Variants in UBE2L3 observed in about 807,000 individuals in gnomAD.
The protein encoded by UBE2L3 is ubiquitin-conjugating enzyme E2 L3.
A neutral mutation model predicts 17.8 loss-of-function variants in UBE2L3; 1 was observed. The observed-to-expected ratio is 0.06, with a 90% CI of 0.02 to 0.27. The LOEUF (loss-of-function observed/expected upper bound fraction) is 0.27, where lower values mean the gene tolerates loss of function less well. Ranked by LOEUF, UBE2L3 falls within the 10% of genes least tolerant of loss-of-function variation. UBE2L3 has a pLI of 1.00. For synonymous variants in UBE2L3, 44 were observed against 68.5 expected, an observed-to-expected ratio of 0.64 and a Z score of 1.76; for missense variants, 40 against 192.6, an observed-to-expected ratio of 0.21 and a Z score of 4.69.
At chr22:21,573,509 G>A (rs894631920) in intron 1 of UBE2L3, among the ~76,000 whole-genome samples, 7 of 152,098 alleles carry the variant, frequency 4.6e-5, no homozygotes, top group African/African-American at 1.7e-4. Flanking sequence ...AGAAATCCTG[G>A]GCTGGCCACT....
At chr22:21,559,882 C>A (rs1305871989) in intron 1 of UBE2L3, among the ~76,000 whole-genome samples, 1 of 152,288 alleles carries the variant, frequency 6.6e-6, no homozygotes, top group East Asian at 1.9e-4. Context: ...TTTCATCCCC[C>A]AGCACTGGAT....
chr22:21,568,100 C>A, intron 1 of UBE2L3: 1 of 1,121,468 alleles, frequency 8.9e-7, no homozygotes, highest in Non-Finnish European at 1.1e-6. Flanking sequence ...TGTGAGAGCC[C>A]GGTTGGGAGG....
At chr22:21,597,446 G>A (rs906961014) in intron 2 of UBE2L3, among the ~76,000 whole-genome samples, 1 of 151,884 alleles carries the variant, frequency 6.6e-6, no homozygotes, top group Admixed American at 6.6e-5. Flanking sequence ...GGCACATGCT[G>A]CAACCCCCAG....
At chr22:21,597,775 A>ATGTTTTTTTTT (rs1928615444) in intron 2 of UBE2L3, among the ~76,000 whole-genome samples, 1 of 25,552 alleles carries the variant, frequency 3.9e-5, no homozygotes, top group Non-Finnish European at 6.9e-5. Context: ...TTATATGTAG[A>ATGTTTTTTTTT]TTTTTTTTTT....
At chr22:21,591,283 C>G (rs774295837) in intron 1 of UBE2L3, among the ~76,000 whole-genome samples, 54 of 152,344 alleles carry the variant, frequency 3.5e-4, no homozygotes, top group Non-Finnish European at 7.2e-4. Context: ...TCTTCTCTCA[C>G]CACAGCTATA....
chr22:21,602,750 C>T (rs1007734958), intron 2 of UBE2L3, among the ~76,000 whole-genome samples: 1 of 152,172 alleles, frequency 6.6e-6, no homozygotes, highest in Non-Finnish European at 1.5e-5. Flanking sequence ...CTACTTGCAG[C>T]CTGAAAAGGT....
chr22:21,566,035 C>T (rs191052128), upstream of UBE2L3, among the ~76,000 whole-genome samples: 2 of 147,612 alleles, frequency 1.4e-5, no homozygotes, highest in East Asian at 2.1e-4. Context: ...TGCAGTGGCG[C>T]GGACTTGGCT....
rs57678378 is a variant in UBE2L3 at position 21,612,643 on chromosome 22, C to CTTTT, written c.310+1625_310+1628dup. Among the ~76,000 whole-genome samples, 137 of 52,510 alleles carry CTTTT rather than the reference C, an allele frequency of 2.6e-3. 7 individuals carry two copies. The highest frequency in any genetic ancestry group is 0.013 in the South Asian group (13 of 972). The allele number at this position is 52,510 out of a possible 152,430, so 34.4% of individuals were successfully genotyped here. On this transcript the variant is annotated intron_variant, in intron 3 of 3. Coordinates refer to ENST00000342192, the MANE Select transcript of UBE2L3 (RefSeq NM_003347.4). ...CCCAGCCGATTTTTTCTTTTCTTTT[C>CTTTT]TTTTTTTTTTTTTTTTTTTTTTTTT...
intron 3 of UBE2L3, among the ~76,000 whole-genome samples, chr22:21,618,266 G>T (rs1929880577): frequency 1.3e-5 from 2 of 151,750 alleles, no homozygotes; most frequent in South Asian, 2.1e-4. Context: ...TGAGAAATAG[G>T]TCTTTAAATT....
chr22:21,573,753 C>T (rs747303135), intron 1 of UBE2L3, among the ~76,000 whole-genome samples: 5 of 152,270 alleles, frequency 3.3e-5, no homozygotes, highest in Non-Finnish European at 7.4e-5. Flanking sequence ...TCTGCCTACT[C>T]CCCAGTGCTG....
At chr22:21,607,089 G>T (rs1046292642) in intron 2 of UBE2L3, among the ~76,000 whole-genome samples, 8 of 152,180 alleles carry the variant, frequency 5.3e-5, no homozygotes, top group African/African-American at 1.9e-4. Context: ...GCAGGGCTTG[G>T]ATGTAGGAGA....
chr22:21,567,966 G>A (rs1008359234), intron 1 of UBE2L3, 195 bp downstream of exon 1: 1 of 1,375,934 alleles, frequency 7.3e-7, no homozygotes, highest in Non-Finnish European at 9.4e-7. Flanking sequence ...GGGAGCGCAA[G>A]GCCGCGCTGG....
intron 1 of UBE2L3, among the ~76,000 whole-genome samples, chr22:21,573,995 G>A (rs1241159354): frequency 6.6e-6 from 1 of 152,168 alleles, no homozygotes; most frequent in Non-Finnish European, 1.5e-5. Context: ...AGGACAGGTG[G>A]CAGAGATGCC....
At chr22:21,592,657 A>G (rs766668203) in intron 1 of UBE2L3, among the ~76,000 whole-genome samples, 6 of 152,124 alleles carry the variant, frequency 3.9e-5, no homozygotes, top group African/African-American at 1.4e-4. Context: ...GGTCTGGGGC[A>G]TGGGGAGAGG....
intron 1 of UBE2L3, among the ~76,000 whole-genome samples, chr22:21,551,891 CTGCAGAAGAAACAT>C (rs1404340126): frequency 1.2e-3 from 27 of 21,974 alleles, no homozygotes; most frequent in African/African-American, 7.3e-3. Flanking sequence ...ACACACACAG[CTGCAGAAGAAACAT>C]ACACACACAC....
At chr22:21,573,191 C>T (rs1927080235) in intron 1 of UBE2L3, among the ~76,000 whole-genome samples, 1 of 152,150 alleles carries the variant, frequency 6.6e-6, no homozygotes, top group South Asian at 2.1e-4. Flanking sequence ...CATGAGCAGG[C>T]CCTGCTCTCA....
At chr22:21,618,496 C>T (rs905695343) in intron 3 of UBE2L3, among the ~76,000 whole-genome samples, 2 of 151,608 alleles carry the variant, frequency 1.3e-5, no homozygotes, top group South Asian at 2.1e-4. Context: ...GCCTGGGAGG[C>T]GGAGCTTGCA....
intron 2 of UBE2L3, among the ~76,000 whole-genome samples, chr22:21,607,192 G>C (rs1351149778): frequency 2.6e-5 from 4 of 152,030 alleles, no homozygotes; most frequent in African/African-American, 7.2e-5. Flanking sequence ...AAGATATGGG[G>C]CTGGGGTGTA....
chr22:21,576,796 C>T (rs865983247), intron 1 of UBE2L3, among the ~76,000 whole-genome samples: 12 of 136,372 alleles, frequency 8.8e-5, no homozygotes, highest in Admixed American at 1.5e-4. Context: ...CTTGTCTTCT[C>T]TTTCCTTTTT....
Sources: gnomAD v4.1 joint callset for allele counts (sites outside exome capture counted in the v4.1 genomes callset) on GRCh38, gnomAD v4.1.1 for gene constraint, MANE v1.5 for transcripts, NCBI Gene and HGNC (gene_info 2026-07-23, HGNC 2026-07-21) for gene names.